The following FAM227B variants were observed in gnomAD, a reference collection of about 807,000 sequenced individuals.
FAM227B encodes family with sequence similarity 227 member B, also known as protein FAM227B.
In FAM227B, 88 loss-of-function variants were observed where a neutral mutation model predicts 73.8. The ratio of observed to expected loss-of-function variants is 1.19; its 90% CI spans 1.00 to 1.42. The LOEUF (loss-of-function observed/expected upper bound fraction) is 1.42. Among genes scored for constraint, FAM227B ranks in the 40% most tolerant of loss-of-function variants. The pLI, the probability that FAM227B is intolerant of heterozygous loss-of-function variation, is 0.00. For synonymous variants in FAM227B, 210 were observed against 190.5 expected (o/e 1.10, Z -0.84); for missense variants, 632 against 590.9 (o/e 1.07, Z -0.72).
chr15:49,455,962 T>C (rs1173014073), intron 11 of FAM227B, among the ~76,000 whole-genome samples: 1 of 152,072 alleles, frequency 6.6e-6, no homozygotes, highest in Non-Finnish European at 1.5e-5. Context: ...TTTAGGGGAG[T>C]ATCAGAAACA....
At chr15:49,530,166 C>G (rs970576321) in intron 10 of FAM227B, among the ~76,000 whole-genome samples, 2 of 151,634 alleles carry the variant, frequency 1.3e-5, no homozygotes, top group African/African-American at 2.4e-5. Context: ...ATTCCTATTA[C>G]GTATTTAGAA....
intron 11 of FAM227B, among the ~76,000 whole-genome samples, chr15:49,412,148 T>C (rs1195900425): frequency 6.6e-6 from 1 of 152,082 alleles, no homozygotes; most frequent in East Asian, 1.9e-4. Context: ...CTACTTAGGC[T>C]AAGAAATGAA....
At chr15:49,417,870 C>T (rs2049325878) in intron 11 of FAM227B, among the ~76,000 whole-genome samples, 1 of 152,100 alleles carries the variant, frequency 6.6e-6, no homozygotes, top group South Asian at 2.1e-4. Context: ...AAATTATCAA[C>T]AAAGTAAACA....
chr15:49,441,275 T>C (rs1015991716), intron 11 of FAM227B, among the ~76,000 whole-genome samples: 25 of 151,800 alleles, frequency 1.6e-4, no homozygotes, highest in South Asian at 1.0e-3. Context: ...ACTCAATTCA[T>C]ACTTATTTAG....
chr15:49,446,466 T>C (rs2052223565), intron 11 of FAM227B, among the ~76,000 whole-genome samples: 1 of 151,504 alleles, frequency 6.6e-6, no homozygotes, highest in African/African-American at 2.4e-5. Context: ...AAAGGAGTGA[T>C]AAGGAGACTG....
intron 10 of FAM227B, among the ~76,000 whole-genome samples, chr15:49,535,178 C>A (rs755124471): frequency 5.3e-5 from 8 of 151,090 alleles, no homozygotes; most frequent in Non-Finnish European, 1.2e-4. Context: ...AATGGACAAA[C>A]CTTTAGCTAG....
chr15:49,392,009 C>T (rs992642485), intron 11 of FAM227B, among the ~76,000 whole-genome samples: 5 of 152,030 alleles, frequency 3.3e-5, no homozygotes, highest in African/African-American at 1.2e-4. Context: ...GGTTTAGTAA[C>T]AGTAGACAAC....
chr15:49,524,119 A>T (rs1424874861), intron 10 of FAM227B, among the ~76,000 whole-genome samples: 1 of 152,220 alleles, frequency 6.6e-6, no homozygotes, highest in Non-Finnish European at 1.5e-5. Context: ...AGTAATGAAG[A>T]GCTGAATGTT....
intron 13 of FAM227B, among the ~76,000 whole-genome samples, chr15:49,364,260 G>T (rs899623057): frequency 5.3e-5 from 8 of 152,062 alleles, no homozygotes; most frequent in African/African-American, 1.9e-4. Flanking sequence ...TTTCTGGTTG[G>T]TAGGCTTTTT....
At chr15:49,363,485 C>T (rs1017998005) in intron 13 of FAM227B, among the ~76,000 whole-genome samples, 3 of 152,152 alleles carry the variant, frequency 2.0e-5, no homozygotes, top group Admixed American at 2.0e-4. Flanking sequence ...TATCCTGAAA[C>T]TTTGCTGAAG....
In FAM227B at chr15:49,588,035, T is replaced by A. The variant is rs1400392324; in HGVS notation, c.386A>T (p.His129Leu). 6.9e-7 allele frequency: 1 copy of A among 1,449,230 alleles called. No homozygotes were observed. Among genetic ancestry groups the A allele is most frequent in the African/African-American group, 1.4e-5 (1 of 69,008 alleles). The allele number at this position is 1,449,230 out of a possible 1,614,324, so 89.8% of individuals were successfully genotyped here. A position where few individuals can be genotyped will look rare whatever the true frequency, so the allele number is the denominator to read the frequency against. The change falls in exon 5 of 16, where the codon CAT (histidine) becomes CTT (leucine). Residue 129 changes from histidine (H) to leucine (L), a missense_variant. By Grantham distance (99) the His-to-Leu change is moderately conservative. Transcript: ENST00000299338. ...ERYGEFLKKY[H>L]KKKKIMLSDE... ...CCATACCATTATCTTTTTTTTCTTA[T>A]GGTACTTCTTTAGAAATTCCCCATA...
rs142669576 is a variant in FAM227B, at chr15:49,507,357, C to T, written c.1012+854G>A. ...TAGGCTGGGTAGGTTAATTCCTCCT[C>T]TTCCTTGGCCTATATCAAGGTATAG... On this transcript the variant is annotated intron_variant, in intron 11 of 15. Transcript: ENST00000299338. 9.7e-4 allele frequency among the ~76,000 whole-genome samples: 147 copies of T among 152,238 alleles called. No individual in the cohort carries two copies. In the Middle Eastern group the frequency reaches 0.014, roughly 14 times the overall value.
intron 11 of FAM227B, among the ~76,000 whole-genome samples, chr15:49,385,864 C>T (rs2046853777): frequency 6.6e-6 from 1 of 151,504 alleles, no homozygotes; most frequent in African/African-American, 2.4e-5. Flanking sequence ...TTTTATCAGA[C>T]AAAACAGACT....
chr15:49,336,054 TGCCTTG>T (rs564366069), intron 13 of FAM227B, among the ~76,000 whole-genome samples: 7 of 152,276 alleles, frequency 4.6e-5, no homozygotes, highest in East Asian at 1.9e-4. Context: ...GCAATCCTCC[TGCCTTG>T]GCCTCCCAAA....
At chr15:49,477,328 C>G (rs1313698386) in intron 11 of FAM227B, among the ~76,000 whole-genome samples, 2 of 152,194 alleles carry the variant, frequency 1.3e-5, no homozygotes, top group African/African-American at 4.8e-5. Context: ...TGTGATTCAG[C>G]TTTTCATCCT....
In FAM227B at chr15:49,370,055, G is replaced by A. The variant is rs184004915; in HGVS notation, c.1110+1247C>T. Among the ~76,000 whole-genome samples the A allele has an allele frequency of 8.5e-5, 13 of 152,306 alleles. 1 individual carries two copies. Among genetic ancestry groups the A allele is most frequent in the Admixed American group, 6.5e-4 (10 of 15,304 alleles). On this transcript the variant is annotated intron_variant, in intron 12 of 15. Coordinates refer to ENST00000299338, the MANE Select transcript of FAM227B (RefSeq NM_152647.3). ...CAAGGAAGAGGCCATCTGCAAGGCA[G>A]GAAGAGAGCCTTCACCAGAAAACCA...
chr15:49,364,606 A>C (rs2044803384), intron 13 of FAM227B, among the ~76,000 whole-genome samples: 1 of 152,192 alleles, frequency 6.6e-6, no homozygotes, highest in Non-Finnish European at 1.5e-5. Flanking sequence ...ATACTACAAA[A>C]ATATGCACTT....
intron 13 of FAM227B, chr15:49,365,635 T>C (rs542454610): frequency 5.4e-6 from 6 of 1,103,126 alleles, no homozygotes; most frequent in East Asian, 4.7e-5. Context: ...AAATACATCA[T>C]AGAGGAGGAG....
chr15:49,463,745 T>C (rs1030495007), intron 11 of FAM227B, among the ~76,000 whole-genome samples: 18 of 152,148 alleles, frequency 1.2e-4, no homozygotes, highest in Non-Finnish European at 2.4e-4. Flanking sequence ...TGATTTTCTG[T>C]TTCACTACTA....
Sources: allele counts gnomAD v4.1 joint callset (sites outside exome capture counted in the v4.1 genomes callset), GRCh38; gene constraint gnomAD v4.1.1; transcripts MANE v1.5; gene names NCBI Gene and HGNC (gene_info 2026-07-23, HGNC 2026-07-21).